PAX5: variants seen among roughly 807,000 people sequenced by gnomAD.
PAX5 encodes paired box 5.
A neutral mutation model predicts 43.7 loss-of-function variants in PAX5; 9 were observed. The observed-to-expected ratio is 0.21, with a 90% confidence interval of 0.12 to 0.36. The LOEUF (loss-of-function observed/expected upper bound fraction) is 0.36, where lower values mean the gene tolerates loss of function less well. Among genes scored for constraint, PAX5 ranks in the 10% least tolerant of loss-of-function variants. The pLI is 1.00. For synonymous variants in PAX5, 228 were observed against 214.3 expected (o/e 1.06, Z -0.56); for missense variants, 383 against 532.7 (o/e 0.72, Z 2.77).
At chr9:36,902,226 A>T (rs1307270267) in intron 7 of PAX5, among the ~76,000 whole-genome samples, 5 of 152,192 alleles carry the variant, frequency 3.3e-5, no homozygotes, top group Admixed American at 2.6e-4. Context: ...CAGGATTTAT[A>T]ACTGTATTAA....
At chr9:37,004,174 G>C (rs759048781) in intron 4 of PAX5, among the ~76,000 whole-genome samples, 11 of 152,334 alleles carry the variant, frequency 7.2e-5, no homozygotes, top group Non-Finnish European at 1.5e-4. Flanking sequence ...GACTTATTGT[G>C]ACTGAGGCTA....
At chr9:37,023,531 G>A (rs1280779630) in intron 1 of PAX5, among the ~76,000 whole-genome samples, 1 of 152,160 alleles carries the variant, frequency 6.6e-6, no homozygotes. Flanking sequence ...GGGCAGACTG[G>A]GCAGTGTTTG....
intron 7 of PAX5, among the ~76,000 whole-genome samples, chr9:36,885,463 A>G (rs955370052): frequency 6.6e-6 from 1 of 152,190 alleles, no homozygotes. Context: ...CGGAGAGTAA[A>G]CTGTGAGTGA....
chr9:36,861,955 G>A (rs891491318), intron 8 of PAX5, among the ~76,000 whole-genome samples: 3 of 152,164 alleles, frequency 2.0e-5, no homozygotes, highest in African/African-American at 7.2e-5. Flanking sequence ...CCTTCCCACT[G>A]AGTGGACACC....
At chr9:36,863,494 G>A (rs1262910345) in intron 8 of PAX5, among the ~76,000 whole-genome samples, 1 of 152,188 alleles carries the variant, frequency 6.6e-6, no homozygotes, top group Non-Finnish European at 1.5e-5. Flanking sequence ...TCATCTGTCA[G>A]GTGATGTCAT....
At chr9:36,986,485 C>T (rs1475950473) in intron 5 of PAX5, among the ~76,000 whole-genome samples, 1 of 152,058 alleles carries the variant, frequency 6.6e-6, no homozygotes, top group African/African-American at 2.4e-5. Flanking sequence ...GAGGCCGGCG[C>T]GAGCGGGCGG....
intron 7 of PAX5, among the ~76,000 whole-genome samples, chr9:36,916,739 C>T (rs886191877): frequency 6.6e-6 from 1 of 152,046 alleles, no homozygotes; most frequent in African/African-American, 2.4e-5. Context: ...GGCTGGAATG[C>T]AGTGGCGTGA....
At chr9:36,857,025 A>G (rs1823750461) in intron 8 of PAX5, among the ~76,000 whole-genome samples, 1 of 152,172 alleles carries the variant, frequency 6.6e-6, no homozygotes, top group Non-Finnish European at 1.5e-5. Context: ...AATAACATTG[A>G]ACTACATTCC....
chr9:36,993,709 G>A (rs1046132343), intron 5 of PAX5, among the ~76,000 whole-genome samples: 1 of 152,218 alleles, frequency 6.6e-6, no homozygotes, highest in African/African-American at 2.4e-5. Flanking sequence ...CATGCAGGGT[G>A]GAGAAAGCCA....
rs532308890 is a variant in PAX5, at chr9:36,854,413, T to C, written c.1013-7484A>G. ...ATAATATTTATAATATACAGATGTA[T>C]GTATGTTGGATGTGTACACACACAC... On this transcript the variant is annotated intron_variant, in intron 8 of 9. Transcript: ENST00000358127. Among the ~76,000 whole-genome samples the C allele has an allele frequency of 4.3e-3, 654 of 152,358 alleles. 3 individuals are homozygous for C. Among genetic ancestry groups the C allele is most frequent in the Non-Finnish European group, 7.8e-3 (532 of 68,032 alleles).
chr9:36,843,107 AGTGT>A (rs996610080), intron 9 of PAX5, among the ~76,000 whole-genome samples: 7 of 149,544 alleles, frequency 4.7e-5, no homozygotes, highest in African/African-American at 1.7e-4. Context: ...TGTGTGTGTG[AGTGT>A]ATGAGTGTGA....
intron 5 of PAX5, among the ~76,000 whole-genome samples, chr9:36,978,101 AG>A (rs1159399087): frequency 6.6e-6 from 1 of 152,268 alleles, no homozygotes; most frequent in African/African-American, 2.4e-5. Context: ...TGGTATGAAG[AG>A]ATGGGATTTC....
chr9:36,865,967 A>T (rs1356882282), intron 8 of PAX5, among the ~76,000 whole-genome samples: 1 of 152,190 alleles, frequency 6.6e-6, no homozygotes, highest in Non-Finnish European at 1.5e-5. Flanking sequence ...GGTGGGGTGG[A>T]TCTGCATCCA....
intron 7 of PAX5, among the ~76,000 whole-genome samples, chr9:36,891,658 T>A (rs1827397819): frequency 6.6e-6 from 1 of 152,236 alleles, no homozygotes; most frequent in Non-Finnish European, 1.5e-5. Flanking sequence ...CTGTATCCAG[T>A]CATTAAAGCG....
chr9:36,937,489 T>A (rs1261417603), intron 6 of PAX5, among the ~76,000 whole-genome samples: 1 of 152,176 alleles, frequency 6.6e-6, no homozygotes. Context: ...TCTGTTTGAC[T>A]CCAAAGCCTG....
intron 6 of PAX5, among the ~76,000 whole-genome samples, chr9:36,935,604 A>G (rs937419871): frequency 2.0e-5 from 3 of 152,132 alleles, no homozygotes; most frequent in African/African-American, 7.2e-5. Flanking sequence ...TCCGAGAGCA[A>G]CTTTTCAGCA....
At chr9:36,982,597 G>A (rs909089984) in intron 5 of PAX5, among the ~76,000 whole-genome samples, 1 of 152,240 alleles carries the variant, frequency 6.6e-6, no homozygotes, top group African/African-American at 2.4e-5. Context: ...GGAAGGAGAA[G>A]GTGGCATCTG....
At chr9:36,950,540 T>G (rs1166845382) in intron 6 of PAX5, among the ~76,000 whole-genome samples, 1 of 152,168 alleles carries the variant, frequency 6.6e-6, no homozygotes, top group African/African-American at 2.4e-5. Context: ...CGACAGAAGA[T>G]TCCCAGCCCA....
intron 8 of PAX5, among the ~76,000 whole-genome samples, chr9:36,854,386 G>A (rs1334100650): frequency 6.6e-6 from 1 of 152,130 alleles, no homozygotes; most frequent in Admixed American, 6.5e-5. Context: ...GTAATAATAT[G>A]TATAATATTT....
Sources: gnomAD v4.1 joint callset for allele counts (sites outside exome capture counted in the v4.1 genomes callset) on GRCh38, gnomAD v4.1.1 for gene constraint, MANE v1.5 for transcripts, NCBI Gene and HGNC (gene_info 2026-07-23, HGNC 2026-07-21) for gene names.